The following SPECC1 variants were observed in gnomAD, a reference collection of about 807,000 sequenced individuals.
SPECC1 encodes the protein sperm antigen with calponin homology and coiled-coil domains 1.
Under a neutral mutation model 104.1 loss-of-function variants are expected in SPECC1, and 62 were observed. The ratio of observed to expected loss-of-function variants is 0.60; its 90% CI spans 0.49 to 0.74. The LOEUF (loss-of-function observed/expected upper bound fraction) is 0.74, where lower values mean the gene tolerates loss of function less well. SPECC1 is among the 30% of genes least tolerant of loss of function. The pLI is 0.00. For missense variants in SPECC1, 1,306 were observed against 1,310.5 expected, an observed-to-expected ratio of 1.00 and a Z score of 0.05; for synonymous variants, 513 against 501.6, an observed-to-expected ratio of 1.02 and a Z score of -0.30.
At chr17:20,255,853 T>G (rs541608759) in intron 10 of SPECC1, among the ~76,000 whole-genome samples, 1 of 151,214 alleles carries the variant, frequency 6.6e-6, no homozygotes, top group African/African-American at 2.4e-5. Context: ...ATTACAGTTA[T>G]GAGCCATCAT....
chr17:20,250,067 A>G (rs574005901), intron 9 of SPECC1, among the ~76,000 whole-genome samples: 122 of 152,322 alleles, frequency 8.0e-4, no homozygotes, highest in Non-Finnish European at 1.1e-3. Context: ...AGATACCTCA[A>G]TGTCCAAGGA....
At chr17:20,107,461 T>C (rs2048279783) in intron 2 of SPECC1, among the ~76,000 whole-genome samples, 1 of 149,916 alleles carries the variant, frequency 6.7e-6, no homozygotes, top group African/African-American at 2.4e-5. Context: ...TTTTCTTTTT[T>C]CTTTTTTTTT....
intron 3 of SPECC1, among the ~76,000 whole-genome samples, chr17:20,150,594 G>A (rs143241528): frequency 0.011 from 1,703 of 150,218 alleles, 8 homozygotes; most frequent in Non-Finnish European, 0.017. Flanking sequence ...AGCCGAGATC[G>A]CACCACTGCA....
At chr17:20,238,563 G>A (rs185348501) in intron 7 of SPECC1, 3 of 1,043,204 alleles carry the variant, frequency 2.9e-6, no homozygotes, top group Admixed American at 5.6e-5. Flanking sequence ...CTTTTGGGGT[G>A]TCAAACTGGA....
intron 14 of SPECC1, among the ~76,000 whole-genome samples, chr17:20,307,347 A>G (rs375072559): frequency 6.6e-6 from 1 of 152,184 alleles, no homozygotes; most frequent in Non-Finnish European, 1.5e-5. Flanking sequence ...CATTCTCACC[A>G]TCTTTAATCT....
chr17:20,231,144 A>T (rs900829372), intron 5 of SPECC1, among the ~76,000 whole-genome samples: 1 of 152,164 alleles, frequency 6.6e-6, no homozygotes, highest in African/African-American at 2.4e-5. Flanking sequence ...AAGTAGGGAG[A>T]GGCAGGCAAC....
At chr17:20,070,970 A>G (rs542169258) in intron 1 of SPECC1, among the ~76,000 whole-genome samples, 2 of 151,394 alleles carry the variant, frequency 1.3e-5, no homozygotes, top group East Asian at 3.9e-4. Context: ...TTCTCTTTTA[A>G]TTTTTCAAGA....
chr17:20,119,139 T>C (rs748406106), intron 3 of SPECC1, among the ~76,000 whole-genome samples: 5 of 152,282 alleles, frequency 3.3e-5, no homozygotes, highest in African/African-American at 9.6e-5. Flanking sequence ...CTCCTAGTTA[T>C]ACAAATTGTT....
At chr17:20,310,510 T>C (rs1288818645) in intron 14 of SPECC1, among the ~76,000 whole-genome samples, 1 of 152,198 alleles carries the variant, frequency 6.6e-6, no homozygotes, top group Non-Finnish European at 1.5e-5. Flanking sequence ...TCAGCCACCG[T>C]GTAAGGAGAG....
intron 1 of SPECC1, among the ~76,000 whole-genome samples, chr17:20,033,519 A>G (rs2044914835): frequency 6.6e-6 from 1 of 152,204 alleles, no homozygotes; most frequent in Admixed American, 6.5e-5. Flanking sequence ...GAAGCATGGC[A>G]TCACTATCTG....
chr17:20,090,016 T>A (rs2047335800), intron 1 of SPECC1, among the ~76,000 whole-genome samples: 1 of 152,196 alleles, frequency 6.6e-6, no homozygotes. Context: ...AGGCTGCCCC[T>A]GGGAAGGGCT....
At chr17:20,214,144 G>A (rs775117027) in intron 4 of SPECC1, among the ~76,000 whole-genome samples, 2 of 152,142 alleles carry the variant, frequency 1.3e-5, no homozygotes, top group Non-Finnish European at 2.9e-5. Flanking sequence ...CACGCCCTGC[G>A]GCCTCAAGCA....
In SPECC1 at chr17:20,075,397, G is replaced by A. The variant is rs185614591; in HGVS notation, c.-21-21234G>A. On this transcript the variant is annotated intron_variant, in intron 1 of 14. Transcript: ENST00000395527. ...TAGGTGAGTGGTGCAGCCAGGATGG[G>A]AACTCAAGTCTGTCTCAATCCAGAG... 2.8e-4 allele frequency among the ~76,000 whole-genome samples: 43 copies of A among 152,276 alleles called. No individual in the cohort carries two copies. In the East Asian group the frequency reaches 7.9e-3, roughly 28 times the overall value.
At chr17:20,134,097 A>G (rs1402872324) in intron 3 of SPECC1, among the ~76,000 whole-genome samples, 5 of 150,432 alleles carry the variant, frequency 3.3e-5, no homozygotes. Flanking sequence ...ACAAACATGT[A>G]TATATTTATG....
chr17:20,269,778 G>A (rs796709972), intron 12 of SPECC1, among the ~76,000 whole-genome samples: 3 of 152,172 alleles, frequency 2.0e-5, no homozygotes, highest in African/African-American at 7.2e-5. Context: ...TGGTTTCCTC[G>A]GGACTTCCTG....
chr17:20,236,737 T>TTTAGCTTTTC, intron 7 of SPECC1: 2 of 1,254,750 alleles, frequency 1.6e-6, no homozygotes, highest in Admixed American at 3.6e-5. Flanking sequence ...TGTTGGCCTA[T>TTTAGCTTTTC]CCTGGACATT....
chr17:20,296,561 G>A (rs1211372016), intron 12 of SPECC1, among the ~76,000 whole-genome samples: 21 of 152,198 alleles, frequency 1.4e-4, no homozygotes, highest in Admixed American at 1.1e-3. Context: ...TGTGAAGAAA[G>A]TCATTGGTAG....
At chr17:20,113,890 A>G (rs955064612) in intron 3 of SPECC1, among the ~76,000 whole-genome samples, 25 of 152,370 alleles carry the variant, frequency 1.6e-4, no homozygotes, top group African/African-American at 5.3e-4. Flanking sequence ...TATTCATTTA[A>G]TTCAAATACC....
chr17:20,021,699 TA>T (rs55795019), intron 1 of SPECC1, among the ~76,000 whole-genome samples: 23,290 of 125,192 alleles, frequency 0.19, 2,271 homozygotes, highest in Middle Eastern at 0.31. Flanking sequence ...TATATATATA[TA>T]TATTTTTTTG....
Sources: allele counts gnomAD v4.1 joint callset (sites outside exome capture counted in the v4.1 genomes callset), GRCh38; gene constraint gnomAD v4.1.1; transcripts MANE v1.5; gene names NCBI Gene and HGNC (gene_info 2026-07-23, HGNC 2026-07-21).